Variants in SNX5 observed in about 807,000 individuals in gnomAD.
SNX5 encodes the protein sorting nexin 5.
A neutral mutation model predicts 53.9 loss-of-function variants in SNX5; 31 were observed. The ratio of observed to expected loss-of-function variants is 0.58; its 90% confidence interval spans 0.43 to 0.78. SNX5 has a LOEUF of 0.78. Ranked by LOEUF, SNX5 falls within the 30% of genes least tolerant of loss-of-function variation. SNX5 has a pLI of 0.00. For synonymous variants in SNX5, 168 were observed against 171.1 expected (o/e 0.98, Z 0.14); for missense variants, 471 against 478.8 (o/e 0.98, Z 0.15).
intron 3 of SNX5, 198 bp from the exon 4 acceptor site, chr20:17,954,315 C>T: frequency 1.4e-6 from 1 of 728,188 alleles, no homozygotes; most frequent in East Asian, 3.3e-5. Flanking sequence ...CTGAGAGTTG[C>T]ATATTCACTT....
chr20:17,966,132 G>A (rs2035533000), intron 1 of SNX5, among the ~76,000 whole-genome samples: 2 of 152,104 alleles, frequency 1.3e-5, no homozygotes, highest in South Asian at 4.1e-4. Flanking sequence ...TACTGTCAAG[G>A]AAGGAGAACC....
Position 17,961,154 on chromosome 20 carries a change from C to T in SNX5, c.52-4117G>A, listed in dbSNP as rs1225993336. 13 of 985,286 alleles carry T rather than the reference C, an allele frequency of 1.3e-5. No individual in the cohort carries two copies. In the East Asian group the frequency reaches 4.5e-4, roughly 34 times the overall value. 61.0% of individuals were successfully genotyped at this position (985,286 alleles called of 1,614,324 possible). On this transcript the variant is annotated intron_variant, in intron 1 of 12. Coordinates refer to ENST00000377759, the MANE Select transcript of SNX5 (RefSeq NM_014426.4). The stretch of plus-strand genomic sequence containing the variant: ...CATTTCCTCACCTATTCATCAGCTT[C>T]CCAGCTGGGGCACATCAGACACTGG...
chr20:17,962,952 T>C (rs774941930), intron 1 of SNX5: 1 of 514,232 alleles, frequency 1.9e-6, no homozygotes, highest in South Asian at 1.4e-5. Context: ...TTCACAAGGC[T>C]GCAAGCCCAT....
Position 17,967,768 on chromosome 20 carries a change from G to A in SNX5, c.51+607C>T, listed in dbSNP as rs977029948. On this transcript the variant is annotated intron_variant, in intron 1 of 12. Coordinates refer to ENST00000377759, the MANE Select transcript of SNX5 (RefSeq NM_014426.4). ...GACCTCAAGATACACGTGACCTAGGGACAGTTTACATCAATGGGCAAGACT... is the reference window on the plus strand; with the variant it reads ...GACCTCAAGATACACGTGACCTAGGAACAGTTTACATCAATGGGCAAGACT... The A allele has an allele frequency of 3.7e-5, 11 of 294,654 alleles. No homozygotes were observed. The South Asian group carries it at 4.9e-4, about 13-fold the overall frequency. The allele number at this position is 294,654 out of a possible 1,614,324, so 18.3% of individuals were successfully genotyped here.
At chr20:17,952,448 C>T (rs773296288) in intron 5 of SNX5, 139 bp downstream of exon 5, 118 of 821,918 alleles carry the variant, frequency 1.4e-4, no homozygotes, top group Non-Finnish European at 2.0e-4. Flanking sequence ...AAATGACTTA[C>T]AATGAAGGAA....
intron 11 of SNX5, 179 bp downstream of exon 11, chr20:17,947,307 C>T (rs938964007): frequency 6.4e-5 from 39 of 606,160 alleles, no homozygotes; most frequent in East Asian, 1.2e-4. Context: ...AGGTGTGTAA[C>T]GTTTGTAAGC....
At chr20:17,954,837 A>T (rs1202186002) in intron 3 of SNX5, among the ~76,000 whole-genome samples, 1 of 152,100 alleles carries the variant, frequency 6.6e-6, no homozygotes, top group African/African-American at 2.4e-5. Flanking sequence ...CAGCCTCCCC[A>T]GTGGCTGGGA....
In SNX5 at chr20:17,953,991, C is replaced by G. The variant is rs779231328; in HGVS notation, c.389+5G>C. 6.2e-7 allele frequency: 1 copy of G among 1,612,812 alleles called. No homozygotes were observed. The highest frequency in any genetic ancestry group is 1.3e-5 in the African/African-American group (1 of 74,994). ...AGACAGAGCCCACCAGGAAAATCCACTTACGCTTCCAGTTCTTGTTTCATC... is the reference window on the plus strand; with the variant it reads ...AGACAGAGCCCACCAGGAAAATCCAGTTACGCTTCCAGTTCTTGTTTCATC... On this transcript the variant is annotated splice_donor_5th_base_variant and intron_variant, in intron 4 of 12. Coordinates refer to ENST00000377759, the MANE Select transcript of SNX5 (RefSeq NM_014426.4).
chr20:17,953,345 T>C (rs1393529332), intron 4 of SNX5, among the ~76,000 whole-genome samples: 2 of 152,202 alleles, frequency 1.3e-5, no homozygotes, highest in Non-Finnish European at 2.9e-5. Context: ...CAAGGATGGA[T>C]TCATAAGAAA....
intron 1 of SNX5, among the ~76,000 whole-genome samples, chr20:17,963,904 T>C (rs940351088): frequency 2.6e-5 from 2 of 77,270 alleles, no homozygotes; most frequent in African/African-American, 1.3e-4. Flanking sequence ...TGGACATTTC[T>C]TTCACTCTTG....
At chr20:17,967,371 C>T (rs1170634130) in intron 1 of SNX5, among the ~76,000 whole-genome samples, 2 of 151,932 alleles carry the variant, frequency 1.3e-5, no homozygotes, top group African/African-American at 2.4e-5. Context: ...AAACAACACC[C>T]TCCTGTATAG....
At chr20:17,963,007 A>C (rs1035396435) in intron 1 of SNX5, 6 of 426,946 alleles carry the variant, frequency 1.4e-5, no homozygotes, top group Non-Finnish European at 9.4e-6. Context: ...TTACTGCCTT[A>C]AATATCTAAT....
At chr20:17,961,468 CA>C in intron 1 of SNX5, 1 of 985,390 alleles carries the variant, frequency 1.0e-6, no homozygotes, top group African/African-American at 1.7e-5. Flanking sequence ...TGAAACTCCA[CA>C]ATCTCTGATC....
chr20:17,964,039 G>C (rs1435251070), intron 1 of SNX5, among the ~76,000 whole-genome samples: 1 of 152,070 alleles, frequency 6.6e-6, no homozygotes, highest in Non-Finnish European at 1.5e-5. Flanking sequence ...ATACCAGCTT[G>C]GGCAACACAG....
At chr20:17,966,631 G>A (rs1204470970) in intron 1 of SNX5, among the ~76,000 whole-genome samples, 2 of 152,200 alleles carry the variant, frequency 1.3e-5, no homozygotes, top group Admixed American at 6.5e-5. Flanking sequence ...AATCAAGTAT[G>A]TCCCCCTACC....
intron 4 of SNX5, among the ~76,000 whole-genome samples, chr20:17,953,590 G>A (rs1202789711): frequency 6.6e-6 from 1 of 152,002 alleles, no homozygotes; most frequent in African/African-American, 2.4e-5. Flanking sequence ...ACCAGCCGGG[G>A]CAACACATGA....
chr20:17,942,438 GA>G (rs1568586057), intron 12 of SNX5, 31 bp from the exon 13 acceptor site: 1 of 1,569,866 alleles, frequency 6.4e-7, no homozygotes, highest in South Asian at 1.1e-5. Flanking sequence ...GCAGACCAGT[GA>G]ATTATTAAAA....
intron 1 of SNX5, chr20:17,961,575 T>C (rs2035450060): frequency 1.0e-6 from 1 of 981,868 alleles, no homozygotes; most frequent in African/African-American, 1.8e-5. Context: ...AGCCTGTATT[T>C]TCCTATTTGA....
intron 1 of SNX5, among the ~76,000 whole-genome samples, chr20:17,959,858 G>A (rs533439302): frequency 5.3e-5 from 8 of 152,266 alleles, no homozygotes; most frequent in African/African-American, 1.9e-4. Context: ...TACAGAACTT[G>A]CTAAATAATT....
Sources: allele counts gnomAD v4.1 joint callset (sites outside exome capture counted in the v4.1 genomes callset), GRCh38; gene constraint gnomAD v4.1.1; transcripts MANE v1.5; gene names NCBI Gene and HGNC (gene_info 2026-07-23, HGNC 2026-07-21).